The following SI variants were observed in gnomAD, a reference collection of about 807,000 sequenced individuals.
SI encodes the protein sucrase-isomaltase, intestinal.
SI carries 235 observed loss-of-function variants against 253.3 expected under a neutral mutation model. That is an observed-to-expected ratio of 0.93 (90% CI 0.83 to 1.03). SI has a LOEUF of 1.03. Ranked by LOEUF, SI falls within the 50% of genes least tolerant of loss-of-function variation. The probability of loss-of-function intolerance (pLI) is 0.00; values close to 1 mark genes in which losing one functional copy is unlikely to be tolerated. For synonymous variants in SI, 819 were observed against 712.0 expected (o/e 1.15, Z -2.39); for missense variants, 2,442 against 2,211.1 (o/e 1.10, Z -2.09).
chr3:164,983,055 TAG>T lies in SI; in HGVS notation c.5198-6_5198-5del. ...TATAGGTCTCTTTCATAGGTGTCTG[TAG>T]AGAGAGAAAAAAAATGTGATATATT... is the stretch of plus-strand genomic sequence containing the variant. On this transcript the variant is annotated splice_region_variant and splice_polypyrimidine_tract_variant and intron_variant, in intron 45 of 47. Transcript: ENST00000264382. The T allele has an allele frequency of 3.2e-6, 5 of 1,543,010 alleles. No individual in the cohort carries two copies. Among genetic ancestry groups the T allele is most frequent in the Non-Finnish European group, 3.6e-6 (4 of 1,123,820 alleles).
intron 27 of SI, 132 bp from the exon 28 acceptor site, chr3:165,019,902 T>C (rs1342488594): frequency 3.7e-6 from 3 of 817,420 alleles, no homozygotes; most frequent in Non-Finnish European, 6.0e-6. Flanking sequence ...TATACCCAGG[T>C]ACCAAATGGA....
chr3:165,086,095 A>T, the SI span, among the ~76,000 whole-genome samples: 1 of 152,110 alleles, frequency 6.6e-6, no homozygotes, highest in African/African-American at 2.4e-5. Flanking sequence ...CTCTACTAAA[A>T]GTACAAAAAT....
chr3:164,990,898 T>TAAA lies in SI; in HGVS notation c.5108+452_5108+454dup, dbSNP rs539924822. ...ATGTACCCTAAAACTTAAAGTATAG[T>TAAA]AAAAAAAAAAATGAATAGCATTGGA... On this transcript the variant is annotated intron_variant, in intron 44 of 47. Coordinates refer to ENST00000264382, the MANE Select transcript of SI (RefSeq NM_001041.4). Among the ~76,000 whole-genome samples, 653 of 147,662 alleles carry TAAA rather than the reference T, an allele frequency of 4.4e-3. 3 individuals are homozygous for TAAA. Among genetic ancestry groups the TAAA allele is most frequent in the African/African-American group, 0.016 (629 of 40,530 alleles).
chr3:165,072,035 T>C (rs978401282), intron 3 of SI, among the ~76,000 whole-genome samples: 1 of 152,152 alleles, frequency 6.6e-6, no homozygotes, highest in Non-Finnish European at 1.5e-5. Flanking sequence ...TCCTTTCTAA[T>C]ATACAATAAA....
At chr3:165,055,171 AT>A in intron 13 of SI, 22 bp downstream of exon 13, 1 of 1,390,510 alleles carries the variant, frequency 7.2e-7, no homozygotes, top group Non-Finnish European at 1.0e-6. Flanking sequence ...GACCAAAACC[AT>A]TGGTTTAAAA....
intron 20 of SI, 50 bp from the exon 21 acceptor site, chr3:165,038,074 A>T (rs980890900): frequency 6.7e-7 from 1 of 1,491,260 alleles, no homozygotes; most frequent in South Asian, 1.1e-5. Flanking sequence ...AAGACTTTAA[A>T]CTCTATTTCA....
chr3:165,063,101 C>CT, intron 8 of SI, among the ~76,000 whole-genome samples: 1 of 151,996 alleles, frequency 6.6e-6, no homozygotes, highest in South Asian at 2.1e-4. Context: ...CCATAGACAT[C>CT]TTTTTTGTTT....
In SI at chr3:165,046,985, C is replaced by T. The variant is rs751793722; in HGVS notation, c.1743G>A (p.Lys581=). 2.4e-5 allele frequency: 38 copies of T among 1,609,082 alleles called. No homozygotes were observed. The East Asian group carries it at 3.4e-4, about 14-fold the overall frequency. The change falls in exon 16 of 48, where the codon AAG becomes AAA. Residue 581 remains lysine, a synonymous_variant. Coordinates refer to ENST00000264382, the MANE Select transcript of SI (RefSeq NM_001041.4). The part of the protein sequence containing the change: ...EQAVQKVFPN[K]RSFILTRSTF... ...TTGAGCGGGTAAGAATGAAGCTTCTCTTATTAGGAAAAACTTTTTGTACAG... is the reference window on the plus strand; with the variant it reads ...TTGAGCGGGTAAGAATGAAGCTTCTTTTATTAGGAAAAACTTTTTGTACAG...
intron 25 of SI, among the ~76,000 whole-genome samples, chr3:165,030,051 T>C (rs1712151514): frequency 6.6e-6 from 1 of 150,856 alleles, no homozygotes; most frequent in South Asian, 2.1e-4. Flanking sequence ...CTGACAAATA[T>C]GTCTTGACTC....
intron 44 of SI, 36 bp from the exon 45 acceptor site, chr3:164,987,262 G>T (rs149438646): frequency 6.5e-7 from 1 of 1,529,416 alleles, no homozygotes; most frequent in African/African-American, 1.4e-5. Context: ...ACCCATGTTT[G>T]TAGAATAGCA....
Position 164,996,615 on chromosome 3 carries a change from C to G in SI, c.4612G>C (p.Glu1538Gln). ...ATCCAGCGGGTACAGAGATGATATTCTGAGTTGTTGAAAAAACCACAGATG... is the reference window on the plus strand; with the variant it reads ...ATCCAGCGGGTACAGAGATGATATTGTGAGTTGTTGAAAAAACCACAGATG... ...ADICGFFNNS[E>Q]YHLCTRWMQL... is the part of the protein sequence containing the mutation. Residue 1538 changes from glutamate (E) to glutamine (Q), a missense_variant, in exon 40 of 48, where the codon GAA becomes CAA. Physicochemically the swap from Glu to Gln is conservative, Grantham distance 29. Transcript: ENST00000264382. 1 of 1,609,492 alleles carries G rather than the reference C, an allele frequency of 6.2e-7. No individual in the cohort carries two copies. The highest frequency in any genetic ancestry group is 8.5e-7 in the Non-Finnish European group (1 of 1,176,586).
intron 41 of SI, among the ~76,000 whole-genome samples, chr3:164,993,118 T>G (rs553454363): frequency 6.6e-6 from 1 of 151,872 alleles, no homozygotes; most frequent in African/African-American, 2.4e-5. Flanking sequence ...TACACCTCCA[T>G]AAACTCATGA....
chr3:165,010,228 C>T (rs1426113498), intron 34 of SI, among the ~76,000 whole-genome samples: 4 of 152,020 alleles, frequency 2.6e-5, no homozygotes, highest in African/African-American at 4.8e-5. Flanking sequence ...GGCACAACCT[C>T]GGCTCACTGC....
Position 165,016,001 on chromosome 3 carries a change from T to C in SI, c.3839A>G (p.Gln1280Arg). The C allele has an allele frequency of 6.2e-7, 1 of 1,611,790 alleles. No homozygotes were observed. Among genetic ancestry groups the C allele is most frequent in the Non-Finnish European group, 8.5e-7 (1 of 1,178,070 alleles). ...TIGEAFQDLP[Q>R]FVDKIRGEGM... ...TTCTCCTCTTATTTTGTCAACAAAC[T>C]GAGGAAGGTCCTGGAATGCTTCACC... Residue 1280 changes from glutamine (Q) to arginine (R), a missense_variant, in exon 32 of 48, where the codon CAG (glutamine) becomes CGG (arginine). Coordinates refer to ENST00000264382, the MANE Select transcript of SI (RefSeq NM_001041.4).
chr3:165,073,247 TCTC>T (rs1714714815), intron 3 of SI, among the ~76,000 whole-genome samples: 1 of 145,114 alleles, frequency 6.9e-6, no homozygotes, highest in Admixed American at 7.0e-5. Flanking sequence ...CCTCTCTCTC[TCTC>T]TTTCGAGACG....
At position 165,038,015 on chromosome 3, in the gene SI, T is replaced by C; in HGVS notation, c.2311A>G (p.Arg771Gly). ...IWYDYESGAK[R>G]PWRKQRVDMY... ...TCAACCCGTTGTTTCCTCCATGGCCTTTTTGCACCCTAATAATTGGAAGAT... is the reference window on the plus strand; with the variant it reads ...TCAACCCGTTGTTTCCTCCATGGCCCTTTTGCACCCTAATAATTGGAAGAT... Residue 771 changes from arginine to glycine, a missense_variant, in exon 21 of 48, where the codon AGG becomes GGG. Physicochemically the swap from Arg to Gly is moderately radical, Grantham distance 125 (BLOSUM62 -2). Coordinates refer to ENST00000264382, the MANE Select transcript of SI (RefSeq NM_001041.4). 1 of 1,586,258 alleles carries C rather than the reference T, an allele frequency of 6.3e-7. No homozygotes were observed. Among genetic ancestry groups the C allele is most frequent in the Non-Finnish European group, 8.7e-7 (1 of 1,155,412 alleles).
the SI span, among the ~76,000 whole-genome samples, chr3:165,086,893 C>A: frequency 6.6e-6 from 1 of 152,122 alleles, no homozygotes; most frequent in Non-Finnish European, 1.5e-5. Context: ...GGAATTTGCA[C>A]CCACTCACAA....
intron 27 of SI, 98 bp downstream of exon 27, chr3:165,021,128 GTGA>G: frequency 1.0e-6 from 1 of 1,002,890 alleles, no homozygotes; most frequent in South Asian, 1.4e-5. Flanking sequence ...ATTTTTTTGT[GTGA>G]TGCTACTCTA....
In SI at chr3:165,059,041, T is replaced by G. The variant is rs1217917596; in HGVS notation, c.1320A>C (p.Thr440=). 6.2e-7 allele frequency: 1 copy of G among 1,612,498 alleles called. No homozygotes were observed. The highest frequency in any genetic ancestry group is 1.7e-5 in the Admixed American group (1 of 59,732). The part of the protein sequence containing the change: ...ISIGRRANGT[T]YATYERGNTQ... ...TGTTTCCCCTCTCATAGGTTGCATA[T>G]GTTGTTCCATTGGCACGTCGACCTA... Residue 440 remains threonine (T), a synonymous_variant, in exon 12 of 48, where the codon ACA becomes ACC. Transcript: ENST00000264382.
Sources: gnomAD v4.1 joint callset for allele counts (sites outside exome capture counted in the v4.1 genomes callset) on GRCh38, gnomAD v4.1.1 for gene constraint, MANE v1.5 for transcripts, NCBI Gene and HGNC (gene_info 2026-07-23, HGNC 2026-07-21) for gene names.